Variants in CPNE4 observed in about 807,000 individuals in gnomAD.
CPNE4 encodes the protein copine-4.
Under a neutral mutation model 67.9 loss-of-function variants are expected in CPNE4, and 25 were observed. That is an observed-to-expected ratio of 0.37 (90% CI 0.27 to 0.51). The LOEUF (loss-of-function observed/expected upper bound fraction) is 0.51, where lower values mean the gene tolerates loss of function less well. Ranked by LOEUF, CPNE4 falls within the 20% of genes least tolerant of loss-of-function variation. The pLI, the probability that CPNE4 is intolerant of heterozygous loss-of-function variation, is 0.93. For synonymous variants in CPNE4, 242 were observed against 244.9 expected (o/e 0.99, Z 0.11); for missense variants, 464 against 690.8 (o/e 0.67, Z 3.68).
intron 2 of CPNE4, among the ~76,000 whole-genome samples, chr3:131,872,540 G>A (rs1469164950): frequency 6.6e-6 from 1 of 152,328 alleles, no homozygotes; most frequent in East Asian, 1.9e-4. Flanking sequence ...ACTTTAGGAA[G>A]GGCAGTCTGC....
intron 1 of CPNE4, among the ~76,000 whole-genome samples, chr3:131,939,441 C>T (rs879719252): frequency 2.0e-5 from 3 of 152,086 alleles, no homozygotes; most frequent in African/African-American, 4.8e-5. Flanking sequence ...TTTGCTTGCA[C>T]ACTTATGAAG....
chr3:131,738,620 GTTT>G (rs77456768), intron 2 of CPNE4, among the ~76,000 whole-genome samples: 3 of 151,844 alleles, frequency 2.0e-5, no homozygotes, highest in Non-Finnish European at 4.4e-5. Context: ...GGTTTTGTGG[GTTT>G]TTTGTTTGTT....
chr3:131,887,303 C>T (rs544015116), intron 2 of CPNE4, among the ~76,000 whole-genome samples: 1 of 152,312 alleles, frequency 6.6e-6, no homozygotes, highest in South Asian at 2.1e-4. Flanking sequence ...CTCCTCCTTG[C>T]CTTCTGCCAT....
chr3:131,811,147 T>G (rs2084509719), intron 2 of CPNE4, among the ~76,000 whole-genome samples: 1 of 152,060 alleles, frequency 6.6e-6, no homozygotes, highest in South Asian at 2.1e-4. Context: ...ATACTTGAAG[T>G]GTGTACAATA....
chr3:131,573,893 T>TG (rs1268945149), intron 10 of CPNE4, among the ~76,000 whole-genome samples: 1 of 152,092 alleles, frequency 6.6e-6, no homozygotes, highest in East Asian at 1.9e-4. Context: ...TTTGCTCCTG[T>TG]AAGCGTTCAG....
At chr3:131,622,156 G>A (rs111750623) in intron 7 of CPNE4, among the ~76,000 whole-genome samples, 27 of 152,104 alleles carry the variant, frequency 1.8e-4, no homozygotes, top group Admixed American at 2.6e-4. Context: ...ACTCAGAGAC[G>A]GTTTATTATT....
intron 1 of CPNE4, among the ~76,000 whole-genome samples, chr3:132,009,845 G>A (rs987721875): frequency 6.6e-6 from 1 of 152,208 alleles, no homozygotes; most frequent in African/African-American, 2.4e-5. Flanking sequence ...AAAAGATGGG[G>A]AAGCTGCTAT....
intron 1 of CPNE4, among the ~76,000 whole-genome samples, chr3:132,001,561 A>AAGAAAGAAAGAAG (rs2073440223): frequency 1.8e-5 from 2 of 111,104 alleles, no homozygotes; most frequent in African/African-American, 7.3e-5. Flanking sequence ...AAGAGAAAGA[A>AAGAAAGAAAGAAG]AGAAAGAAAG....
At chr3:131,936,934 A>C (rs1242454324) in intron 1 of CPNE4, among the ~76,000 whole-genome samples, 1 of 151,868 alleles carries the variant, frequency 6.6e-6, no homozygotes, top group Non-Finnish European at 1.5e-5. Flanking sequence ...ACAGCACAGT[A>C]AAGGACATAA....
At chr3:131,978,145 T>G (rs1228135091) in intron 1 of CPNE4, among the ~76,000 whole-genome samples, 1 of 77,728 alleles carries the variant, frequency 1.3e-5, no homozygotes, top group Non-Finnish European at 2.1e-5. Flanking sequence ...TATAAATATA[T>G]ATAAAATATA....
At chr3:131,990,449 G>C (rs1319552339) in intron 1 of CPNE4, among the ~76,000 whole-genome samples, 2 of 134,436 alleles carry the variant, frequency 1.5e-5, no homozygotes, top group Non-Finnish European at 3.4e-5. Flanking sequence ...TGTTGTTTTT[G>C]GTTCTTTTTC....
At chr3:132,010,178 C>T (rs2073718374) in intron 1 of CPNE4, among the ~76,000 whole-genome samples, 1 of 152,194 alleles carries the variant, frequency 6.6e-6, no homozygotes, top group African/African-American at 2.4e-5. Context: ...TGCCTAACTT[C>T]AGTGAATCTC....
At chr3:131,555,306 A>C (rs574995029) in intron 12 of CPNE4, among the ~76,000 whole-genome samples, 191 bp downstream of exon 12, 2 of 152,154 alleles carry the variant, frequency 1.3e-5, no homozygotes, top group East Asian at 3.9e-4. Flanking sequence ...CCAAAATACC[A>C]GGAGATAGGG....
At chr3:131,845,767 T>C (rs1560451159) in intron 2 of CPNE4, among the ~76,000 whole-genome samples, 1 of 152,204 alleles carries the variant, frequency 6.6e-6, no homozygotes, top group Non-Finnish European at 1.5e-5. Context: ...TATTGGTACC[T>C]AATCTTTCTG....
intron 2 of CPNE4, among the ~76,000 whole-genome samples, chr3:131,767,999 AAGT>A (rs1372385406): frequency 1.3e-5 from 2 of 152,052 alleles, no homozygotes; most frequent in African/African-American, 2.4e-5. Flanking sequence ...AGATTATAAA[AAGT>A]AGCTCAATGC....
intron 7 of CPNE4, among the ~76,000 whole-genome samples, chr3:131,618,331 T>C (rs1940276347): frequency 6.6e-6 from 1 of 152,210 alleles, no homozygotes; most frequent in African/African-American, 2.4e-5. Context: ...ATGTATACAT[T>C]GTAGAAAGAC....
intron 13 of CPNE4, 57 bp downstream of exon 13, chr3:131,552,383 G>T: frequency 6.9e-7 from 1 of 1,440,220 alleles, no homozygotes; most frequent in Non-Finnish European, 9.7e-7. Flanking sequence ...GAACTAAAAT[G>T]GGAAAGCTGC....
intron 1 of CPNE4, among the ~76,000 whole-genome samples, chr3:131,974,124 CT>C (rs1416145672): frequency 6.6e-6 from 1 of 152,170 alleles, no homozygotes; most frequent in Non-Finnish European, 1.5e-5. Flanking sequence ...CTACCAGAGA[CT>C]TTTCATTCTA....
chr3:131,902,424 T>C (rs2088587904), intron 2 of CPNE4, among the ~76,000 whole-genome samples: 1 of 152,102 alleles, frequency 6.6e-6, no homozygotes, highest in Non-Finnish European at 1.5e-5. Context: ...GAATCTATTG[T>C]AGGAACTCAT....
Sources: gnomAD v4.1 joint callset for allele counts (sites outside exome capture counted in the v4.1 genomes callset) on GRCh38, gnomAD v4.1.1 for gene constraint, MANE v1.5 for transcripts, NCBI Gene and HGNC (gene_info 2026-07-23, HGNC 2026-07-21) for gene names.